HHAT: variants seen among roughly 807,000 people sequenced by gnomAD.
HHAT encodes the protein protein-cysteine N-palmitoyltransferase HHAT.
A neutral mutation model predicts 70.8 loss-of-function variants in HHAT; 47 were observed. The ratio of observed to expected loss-of-function variants is 0.66; its 90% CI spans 0.53 to 0.85. The LOEUF (loss-of-function observed/expected upper bound fraction) is 0.85. Ranked by LOEUF, HHAT falls within the 40% of genes least tolerant of loss-of-function variation. The pLI, the probability that HHAT is intolerant of heterozygous loss-of-function variation, is 0.00. For synonymous variants in HHAT, 228 were observed against 247.6 expected (o/e 0.92, Z 0.74); for missense variants, 609 against 604.8 (o/e 1.01, Z -0.07).
At chr1:210,515,095 A>G (rs983291394) in intron 9 of HHAT, among the ~76,000 whole-genome samples, 21 of 152,182 alleles carry the variant, frequency 1.4e-4, no homozygotes, top group African/African-American at 5.1e-4. Context: ...AAGCAAGCAG[A>G]ACTGGGAGGG....
intron 11 of HHAT, among the ~76,000 whole-genome samples, chr1:210,673,884 C>T (rs1400154297): frequency 3.3e-5 from 5 of 151,362 alleles, no homozygotes; most frequent in Non-Finnish European, 7.4e-5. Flanking sequence ...ATCCTCCCAC[C>T]TCAGCCTTCC....
In HHAT at chr1:210,400,662, G is replaced by A. The variant is rs2148197583; in HGVS notation, c.468G>A (p.Lys156=). 1.2e-6 allele frequency: 2 copies of A among 1,611,418 alleles called. No individual in the cohort carries two copies. The highest frequency in any genetic ancestry group is 4.5e-5 in the East Asian group (2 of 44,862). ...TLRLQGVEEV[K]RRWYKTENEY... Reference sequence around the variant, plus strand: ...GGCTGCAGGGTGTGGAAGAAGTTAAGGTAAGTGTTTTCCTGTTACCATTGG... The same window carrying A: ...GGCTGCAGGGTGTGGAAGAAGTTAAAGTAAGTGTTTTCCTGTTACCATTGG... Residue 156 remains lysine, a splice_region_variant and synonymous_variant, in exon 5 of 12, where the codon AAG becomes AAA. Coordinates refer to ENST00000261458, the MANE Select transcript of HHAT (RefSeq NM_018194.6).
intron 7 of HHAT, among the ~76,000 whole-genome samples, chr1:210,438,103 A>C (rs1410755976): frequency 2.6e-5 from 4 of 151,848 alleles, no homozygotes; most frequent in Admixed American, 2.6e-4. Flanking sequence ...GCCACATAGC[A>C]GGAGTCAGCA....
intron 11 of HHAT, among the ~76,000 whole-genome samples, chr1:210,673,762 ATTATTTATTTATTTATTTATTTATTTAT>A (rs58146322): frequency 0.046 from 4,269 of 92,088 alleles, 221 homozygotes; most frequent in African/African-American, 0.11. Context: ...TGGCTTATTT[ATTATTTATTTATTTATTTATTTATTTAT>A]TTATTTATTT....
At chr1:210,455,450 T>G (rs897717966) in intron 7 of HHAT, among the ~76,000 whole-genome samples, 13 of 152,194 alleles carry the variant, frequency 8.5e-5, no homozygotes, top group Admixed American at 7.2e-4. Flanking sequence ...GTTTGTTTCT[T>G]TGTTTCCTGC....
intron 7 of HHAT, among the ~76,000 whole-genome samples, chr1:210,458,546 C>T (rs1304030330): frequency 6.6e-6 from 1 of 152,014 alleles, no homozygotes; most frequent in Non-Finnish European, 1.5e-5. Context: ...TGGGTAATGG[C>T]ACTTTAAGGG....
rs1680941411 is a variant in HHAT, at chr1:210,675,336, T to C, written c.*957T>C. On this transcript the variant is annotated 3_prime_UTR_variant, in exon 12 of 12. Transcript: ENST00000261458. ...CATGTTTGTAGAATTATTTTGAATA[T>C]GTTTGAGGAAAATGTTTAAAATCTA... 6.6e-6 allele frequency: 1 copy of C among 152,236 alleles called. No individual in the cohort carries two copies. Among genetic ancestry groups the C allele is most frequent in the Non-Finnish European group, 1.5e-5 (1 of 68,048 alleles). The allele number at this position is 152,236 out of a possible 1,614,324, so 9.4% of individuals were successfully genotyped here.
At chr1:210,576,993 GA>G (rs2148753933) in intron 9 of HHAT, among the ~76,000 whole-genome samples, 1 of 149,416 alleles carries the variant, frequency 6.7e-6, no homozygotes, top group South Asian at 2.1e-4. Flanking sequence ...TTTCTTTTTG[GA>G]TCATTTATTG....
At chr1:210,380,840 G>A (rs1249194377) in intron 3 of HHAT, among the ~76,000 whole-genome samples, 1 of 148,342 alleles carries the variant, frequency 6.7e-6, no homozygotes, top group Non-Finnish European at 1.5e-5. Flanking sequence ...GTTGTAATGT[G>A]GGATGGTGGG....
chr1:210,564,119 A>T (rs1454994441), intron 9 of HHAT, among the ~76,000 whole-genome samples: 8 of 143,020 alleles, frequency 5.6e-5, no homozygotes, highest in Non-Finnish European at 7.6e-5. Context: ...ATGCCCAACT[A>T]TTTTTTTTTT....
chr1:210,642,980 A>C (rs6540615), intron 11 of HHAT, among the ~76,000 whole-genome samples: 63,872 of 151,924 alleles, frequency 0.42, 13,850 homozygotes, highest in South Asian at 0.5. Flanking sequence ...TACTTTTTTA[A>C]TTTCCCTATT....
chr1:210,447,087 TTGG>T (rs1471554687), intron 7 of HHAT, among the ~76,000 whole-genome samples: 1 of 152,236 alleles, frequency 6.6e-6, no homozygotes, highest in Non-Finnish European at 1.5e-5. Flanking sequence ...ATAGACTCAT[TTGG>T]GGTCTGAAGA....
At chr1:210,357,108 A>G (rs1039458647) in intron 2 of HHAT, among the ~76,000 whole-genome samples, 7 of 152,214 alleles carry the variant, frequency 4.6e-5, no homozygotes, top group Non-Finnish European at 7.3e-5. Context: ...ATCTATGGCC[A>G]GGGTCTTAGG....
At chr1:210,450,293 G>GT (rs762875363) in intron 7 of HHAT, among the ~76,000 whole-genome samples, 6 of 104,290 alleles carry the variant, frequency 5.8e-5, no homozygotes, top group South Asian at 3.1e-4. Context: ...TGCGTCTCAG[G>GT]TGGGGGGGGT....
intron 9 of HHAT, among the ~76,000 whole-genome samples, chr1:210,524,336 G>T (rs1002257399): frequency 2.6e-5 from 4 of 152,212 alleles, no homozygotes; most frequent in African/African-American, 9.6e-5. Flanking sequence ...GTGCAGGTGT[G>T]AGTGCCGTGT....
At chr1:210,406,505 T>C (rs926221399) in intron 6 of HHAT, among the ~76,000 whole-genome samples, 1 of 152,070 alleles carries the variant, frequency 6.6e-6, no homozygotes, top group Non-Finnish European at 1.5e-5. Context: ...GTGATTCCCG[T>C]GTCTGAGCCT....
chr1:210,564,169 G>A (rs1377474057), intron 9 of HHAT, among the ~76,000 whole-genome samples: 2 of 150,814 alleles, frequency 1.3e-5, no homozygotes, highest in Admixed American at 6.6e-5. Context: ...CACCATGCTG[G>A]CCAGGCTGAT....
chr1:210,430,838 A>G (rs892977872), intron 7 of HHAT, among the ~76,000 whole-genome samples: 8 of 151,774 alleles, frequency 5.3e-5, no homozygotes, highest in African/African-American at 1.9e-4. Context: ...CCTATTTTTT[A>G]TATTTACAAG....
intron 10 of HHAT, among the ~76,000 whole-genome samples, chr1:210,606,025 T>A (rs1398944497): frequency 6.6e-6 from 1 of 152,028 alleles, no homozygotes; most frequent in African/African-American, 2.4e-5. Flanking sequence ...CTGGCTAATT[T>A]TTTTTTATTT....
Sources: gnomAD v4.1 joint callset for allele counts (sites outside exome capture counted in the v4.1 genomes callset) on GRCh38, gnomAD v4.1.1 for gene constraint, MANE v1.5 for transcripts, NCBI Gene and HGNC (gene_info 2026-07-23, HGNC 2026-07-21) for gene names.